The following OR8G1 variants were observed in gnomAD, a reference collection of about 807,000 sequenced individuals.
The protein encoded by OR8G1 is olfactory receptor 8G1.
For missense variants in OR8G1, 372 were observed against 356.2 expected (o/e 1.04, Z -0.36); for synonymous variants, 129 against 133.3 (o/e 0.97, Z 0.22).
In OR8G1 at chr11:124,251,483, A is replaced by T. The variant is rs1861867235; in HGVS notation, c.*872A>T. 3.0e-6 allele frequency: 2 copies of T among 659,116 alleles called. 1 individual carries two copies. The highest frequency in any genetic ancestry group is 4.7e-6 in the Non-Finnish European group (2 of 427,932). 40.8% of individuals were successfully genotyped at this position (659,116 alleles called of 1,614,324 possible). A position where few individuals can be genotyped will look rare whatever the true frequency, so the allele number is the denominator to read the frequency against. ...AAGGTTCTTCAAGAATCTATAATAT[A>T]ACTGGTAACATTCTGACCTATTCTA... On this transcript the variant is annotated 3_prime_UTR_variant, in exon 3 of 3. Transcript: ENST00000641972.
Position 124,250,444 on chromosome 11 carries a change from T to C in OR8G1, c.769T>C (p.Phe257Leu). The C allele has an allele frequency of 6.2e-7, 1 of 1,613,790 alleles. No homozygotes were observed. The highest frequency in any genetic ancestry group is 8.5e-7 in the Non-Finnish European group (1 of 1,179,804). Residue 257 changes from phenylalanine to leucine, a missense_variant, in exon 3 of 3, where the codon TTC (phenylalanine) becomes CTC (leucine). Transcript: ENST00000641972. ...TGTAATCTTTTTTGGATCTGCAGCA[T>C]TCATGTACTTGCAGCCATCTTCAAT... ...AVVIFFGSAA[F>L]MYLQPSSISS...
chr11:124,249,297 A>G (rs986072919), intron 2 of OR8G1, among the ~76,000 whole-genome samples: 2 of 152,222 alleles, frequency 1.3e-5, no homozygotes, highest in African/African-American at 4.8e-5. Context: ...AAAGTTTACC[A>G]TCCTTAGGCA....
intron 1 of OR8G1, among the ~76,000 whole-genome samples, chr11:124,243,501 ACAT>A (rs1319838920): frequency 3.9e-5 from 6 of 152,008 alleles, no homozygotes; most frequent in African/African-American, 1.4e-4. Flanking sequence ...AATAATTGAC[ACAT>A]CATCCCTTAT....
intron 1 of OR8G1, among the ~76,000 whole-genome samples, chr11:124,247,225 A>G (rs1462300287): frequency 6.6e-6 from 1 of 151,802 alleles, no homozygotes; most frequent in East Asian, 1.9e-4. Context: ...CATACCCAAA[A>G]GTTAATTTAC....
At chr11:124,248,222 G>T (rs1253166751) in intron 2 of OR8G1, among the ~76,000 whole-genome samples, 3 of 151,688 alleles carry the variant, frequency 2.0e-5, no homozygotes, top group Admixed American at 2.0e-4. Flanking sequence ...CATATTAATT[G>T]TAAATATTAT....
At chr11:124,243,887 A>G (rs1861784012) in intron 1 of OR8G1, among the ~76,000 whole-genome samples, 1 of 152,030 alleles carries the variant, frequency 6.6e-6, no homozygotes, top group Non-Finnish European at 1.5e-5. Context: ...TATCTATGTA[A>G]CAAACCTGCA....
chr11:124,250,251 C>G lies in OR8G1; in HGVS notation c.576C>G (p.Ile192Met). The G allele has an allele frequency of 6.2e-7, 1 of 1,613,724 alleles. No individual in the cohort carries two copies. Among genetic ancestry groups the G allele is most frequent in the Non-Finnish European group, 8.5e-7 (1 of 1,179,802 alleles). ...TCCTAAAGCTCTCTTGCTCTAGTAT[C>G]TATGTCAACAAACTACTTATTCTAT... ...LPLLKLSCSS[I>M]YVNKLLILCV... Residue 192 changes from isoleucine to methionine, a missense_variant, in exon 3 of 3, where the codon ATC (isoleucine) becomes ATG (methionine). Physicochemically the swap from Ile to Met is conservative, Grantham distance 10. Transcript: ENST00000641972.
chr11:124,250,355 A>G lies in OR8G1; in HGVS notation c.680A>G (p.His227Arg). 6.2e-7 allele frequency: 1 copy of G among 1,613,702 alleles called. No homozygotes were observed. Among genetic ancestry groups the G allele is most frequent in the Non-Finnish European group, 8.5e-7 (1 of 1,179,816 alleles). The change falls in exon 3 of 3, where the codon CAC becomes CGC. Residue 227 changes from histidine to arginine, a missense_variant. Physicochemically the swap from His to Arg is conservative, Grantham distance 29 (BLOSUM62 0). Coordinates refer to ENST00000641972, the MANE Select transcript of OR8G1 (RefSeq NM_001002905.2). Reference sequence around the variant, plus strand: ...ATCTTTATTATTGCCAGCATCCTCCACATTCGCTCCACTGAGGGCAGGTCC... The same window carrying G: ...ATCTTTATTATTGCCAGCATCCTCCGCATTCGCTCCACTGAGGGCAGGTCC... Reference protein sequence around the residue: ...SYIFIIASILHIRSTEGRSKA... With the variant: ...SYIFIIASILRIRSTEGRSKA...
In OR8G1 at chr11:124,249,747, G is replaced by A. The variant is rs1861846078; in HGVS notation, c.72G>A (p.Gln24=). Residue 24 remains glutamine, a synonymous_variant, in exon 3 of 3, where the codon CAG becomes CAA. Coordinates refer to ENST00000641972, the MANE Select transcript of OR8G1 (RefSeq NM_001002905.2). ...LAGLSEQPEL[Q]LPLFLLFLGI... ...GGCTCTCAGAACAGCCAGAGCTCCA[G>A]CTGCCCCTCTTCCTCCTGTTCTTAG... 6.2e-7 allele frequency: 1 copy of A among 1,613,710 alleles called. No homozygotes were observed.
In OR8G1 at chr11:124,250,240, T is replaced by C. The variant is rs1276289357; in HGVS notation, c.565T>C (p.Cys189Arg). Residue 189 changes from cysteine to arginine, a missense_variant, in exon 3 of 3, where the codon TGC (cysteine) becomes CGC (arginine). By Grantham distance (180) the Cys-to-Arg change is radical. Transcript: ENST00000641972. ...TCTTCTTCCCCTCCTAAAGCTCTCT[T>C]GCTCTAGTATCTATGTCAACAAACT... ...CDLLPLLKLS[C>R]SSIYVNKLLI... The C allele has an allele frequency of 6.2e-7, 1 of 1,613,766 alleles. No individual in the cohort carries two copies. The highest frequency in any genetic ancestry group is 1.7e-5 in the Admixed American group (1 of 59,916).
rs771364871 is a variant in OR8G1 at position 124,249,847 on chromosome 11, C to T, written c.172C>T (p.Pro58Ser). The change falls in exon 3 of 3, where the codon CCT becomes TCT. Residue 58 changes from proline (P) to serine (S), a missense_variant. Pro to Ser is a moderately conservative substitution (Grantham distance 74, BLOSUM62 -1). Transcript: ENST00000641972. ...TTGGCTCAGTTCTCACCTGCACACC[C>T]CTATGTACTATTTCCTCAGCAGTCT... ...LIWLSSHLHT[P>S]MYYFLSSLSF... The T allele has an allele frequency of 1.9e-6, 3 of 1,613,926 alleles. No individual in the cohort carries two copies. In the African/African-American group the frequency reaches 4.0e-5, roughly 22 times the overall value.
At position 124,249,750 on chromosome 11, in the gene OR8G1, G is replaced by A. The variant is rs777912617; in HGVS notation, c.75G>A (p.Leu25=). Residue 25 remains leucine (L), a synonymous_variant, in exon 3 of 3, where the codon CTG becomes CTA. Transcript: ENST00000641972. The stretch of plus-strand genomic sequence containing the variant: ...TCTCAGAACAGCCAGAGCTCCAGCT[G>A]CCCCTCTTCCTCCTGTTCTTAGGAA... ...AGLSEQPELQ[L]PLFLLFLGIY... The A allele has an allele frequency of 1.2e-5, 19 of 1,613,744 alleles. No homozygotes were observed. The South Asian group carries it at 1.9e-4, about 16-fold the overall frequency.
intron 1 of OR8G1, among the ~76,000 whole-genome samples, chr11:124,242,271 A>G (rs2137743974): frequency 6.6e-6 from 1 of 152,076 alleles, no homozygotes; most frequent in African/African-American, 2.4e-5. Flanking sequence ...ATATTTCCCA[A>G]GCTCTTGACA....
chr11:124,246,596 A>G (rs1334329533), intron 1 of OR8G1, among the ~76,000 whole-genome samples: 1 of 151,836 alleles, frequency 6.6e-6, no homozygotes, highest in East Asian at 1.9e-4. Context: ...CTCACTAAAT[A>G]GCTATTGGAA....
At chr11:124,246,356 T>C (rs918997178) in intron 1 of OR8G1, among the ~76,000 whole-genome samples, 12 of 151,964 alleles carry the variant, frequency 7.9e-5, no homozygotes, top group African/African-American at 2.9e-4. Flanking sequence ...ATTTTATTTG[T>C]AGCTTCTTAA....
intron 1 of OR8G1, among the ~76,000 whole-genome samples, chr11:124,247,353 T>G (rs1157556773): frequency 6.6e-6 from 1 of 151,864 alleles, no homozygotes; most frequent in Non-Finnish European, 1.5e-5. Context: ...TCTACAATTA[T>G]GTTTAGATGT....
In OR8G1 at chr11:124,251,505, T is replaced by G; in HGVS notation, c.*894T>G. On this transcript the variant is annotated 3_prime_UTR_variant, in exon 3 of 3. Coordinates refer to ENST00000641972, the MANE Select transcript of OR8G1 (RefSeq NM_001002905.2). ...TATAACTGGTAACATTCTGACCTAT[T>G]CTATGCTAAGATGTATGTGTATTTG... 1.7e-6 allele frequency: 1 copy of G among 582,430 alleles called. No homozygotes were observed. The allele number at this position is 582,430 out of a possible 1,614,324, so 36.1% of individuals were successfully genotyped here. A position where few individuals can be genotyped will look rare whatever the true frequency, so the allele number is the denominator to read the frequency against.
intron 1 of OR8G1, among the ~76,000 whole-genome samples, chr11:124,243,415 T>A (rs542683834): frequency 2.0e-5 from 3 of 152,132 alleles, no homozygotes; most frequent in Non-Finnish European, 4.4e-5. Context: ...AATGTATATA[T>A]AACAGAATAG....
intron 2 of OR8G1, among the ~76,000 whole-genome samples, chr11:124,249,356 TTATATTAA>T (rs935709397): frequency 6.6e-6 from 1 of 152,090 alleles, no homozygotes; most frequent in Non-Finnish European, 1.5e-5. Flanking sequence ...TTATATTGGC[TTATATTAA>T]TATTTAAGTT....
Sources: allele counts gnomAD v4.1 joint callset (sites outside exome capture counted in the v4.1 genomes callset), GRCh38; gene constraint gnomAD v4.1.1; transcripts MANE v1.5; gene names NCBI Gene and HGNC (gene_info 2026-07-23, HGNC 2026-07-21).